Variants in LAMB4 observed in about 807,000 individuals in gnomAD.
LAMB4 encodes laminin subunit beta 4.
LAMB4 carries 196 observed loss-of-function variants against 199.2 expected under a neutral mutation model. The ratio of observed to expected loss-of-function variants is 0.98; its 90% confidence interval spans 0.88 to 1.11. LAMB4 has a LOEUF of 1.11. Among genes scored for constraint, LAMB4 ranks in the 50% least tolerant of loss-of-function variants. The pLI is 0.00. For missense variants in LAMB4, 2,080 were observed against 2,171.2 expected, an observed-to-expected ratio of 0.96 and a Z score of 0.83; for synonymous variants, 744 against 770.6, an observed-to-expected ratio of 0.97 and a Z score of 0.57.
chr7:108,064,864 A>T (rs1238693806), intron 21 of LAMB4, among the ~76,000 whole-genome samples: 1 of 151,122 alleles, frequency 6.6e-6, no homozygotes, highest in Admixed American at 6.6e-5. Context: ...TTCAGTAAAC[A>T]TTCACACTCA....
At chr7:108,093,258 G>A (rs1438539109) in intron 12 of LAMB4, among the ~76,000 whole-genome samples, 2 of 151,984 alleles carry the variant, frequency 1.3e-5, no homozygotes, top group Non-Finnish European at 2.9e-5. Flanking sequence ...GTAGAGACGG[G>A]GTTTTACCGT....
At chr7:108,092,677 G>A (rs757380612) in intron 12 of LAMB4, among the ~76,000 whole-genome samples, 4 of 152,058 alleles carry the variant, frequency 2.6e-5, no homozygotes, top group Admixed American at 2.0e-4. Flanking sequence ...AGGCCGAGAC[G>A]GGTGGATCAC....
intron 17 of LAMB4, among the ~76,000 whole-genome samples, chr7:108,073,573 GT>G (rs1303219648): frequency 1.3e-5 from 2 of 152,092 alleles, no homozygotes; most frequent in Non-Finnish European, 2.9e-5. Flanking sequence ...ATAAACAAAG[GT>G]TTCCTTTGGT....
chr7:108,082,804 T>C (rs1290177074), intron 14 of LAMB4, among the ~76,000 whole-genome samples: 1 of 152,086 alleles, frequency 6.6e-6, no homozygotes, highest in East Asian at 1.9e-4. Flanking sequence ...CAAATCAGGG[T>C]CATCCTCAGA....
At chr7:108,029,494 G>C (rs1255002866) in intron 32 of LAMB4, among the ~76,000 whole-genome samples, 1 of 152,200 alleles carries the variant, frequency 6.6e-6, no homozygotes, top group Non-Finnish European at 1.5e-5. Context: ...CTATGTTAAG[G>C]TAGGATATGG....
At chr7:108,099,914 T>C (rs1312502798) in intron 10 of LAMB4, among the ~76,000 whole-genome samples, 1 of 152,218 alleles carries the variant, frequency 6.6e-6, no homozygotes, top group Admixed American at 6.5e-5. Context: ...TGACTTACTA[T>C]GAAAAAATAG....
chr7:108,122,772 G>A (rs1179968037), intron 2 of LAMB4, among the ~76,000 whole-genome samples: 2 of 152,190 alleles, frequency 1.3e-5, no homozygotes, highest in African/African-American at 4.8e-5. Context: ...AATTTTGCCT[G>A]TAACTTCTTC....
chr7:108,025,433 T>TCTCTTTCTTTC (rs2034806408), intron 33 of LAMB4, among the ~76,000 whole-genome samples: 1 of 108,402 alleles, frequency 9.2e-6, no homozygotes, highest in African/African-American at 8.3e-5. Context: ...TCTTTCTTTC[T>TCTCTTTCTTTC]TTTTTTTTTT....
intron 14 of LAMB4, among the ~76,000 whole-genome samples, chr7:108,088,267 A>T (rs946231968): frequency 6.6e-6 from 1 of 151,810 alleles, no homozygotes; most frequent in Non-Finnish European, 1.5e-5. Context: ...GGTTTAAGTG[A>T]TTCTTGTGTC....
chr7:108,049,658 A>G (rs536639234), intron 26 of LAMB4, 127 bp from the exon 27 acceptor site: 13 of 556,636 alleles, frequency 2.3e-5, no homozygotes, highest in Non-Finnish European at 2.8e-5. Context: ...TAAAATTTCA[A>G]CATCTTCCTT....
chr7:108,082,980 A>G (rs1363908907), intron 14 of LAMB4, among the ~76,000 whole-genome samples: 3 of 152,210 alleles, frequency 2.0e-5, no homozygotes, highest in African/African-American at 7.2e-5. Context: ...GTTGGGTTGG[A>G]TGGAGTGTCT....
chr7:108,058,249 A>T (rs539026648), intron 23 of LAMB4, among the ~76,000 whole-genome samples: 20 of 152,372 alleles, frequency 1.3e-4, no homozygotes, highest in African/African-American at 4.3e-4. Context: ...CTCAACTGTT[A>T]TGGGAGTTCC....
intron 25 of LAMB4, among the ~76,000 whole-genome samples, chr7:108,053,675 C>T (rs2150529565): frequency 6.6e-6 from 1 of 152,314 alleles, no homozygotes; most frequent in Non-Finnish European, 1.5e-5. Flanking sequence ...CACTCCAGAC[C>T]TGGGCTGGGC....
chr7:108,109,240 A>G lies in LAMB4; in HGVS notation c.333T>C (p.Leu111=). The G allele has an allele frequency of 6.2e-7, 1 of 1,611,340 alleles. No homozygotes were observed. The highest frequency in any genetic ancestry group is 8.5e-7 in the Non-Finnish European group (1 of 1,177,934). The stretch of plus-strand genomic sequence containing the variant: ...AGTCCAGTCTGATGCTGACATGATC[A>G]AGACCTAAGGAAGAATCCAGAAAGA... ...EKKWWQSENG[L]DHVSIRLDLE... is the part of the protein sequence containing the mutation. The change falls in exon 5 of 34, where the codon CTT becomes CTC. Residue 111 remains leucine, a synonymous_variant. Transcript: ENST00000388781.
intron 29 of LAMB4, among the ~76,000 whole-genome samples, chr7:108,041,300 G>T (rs532091246): frequency 6.6e-6 from 1 of 152,160 alleles, no homozygotes; most frequent in South Asian, 2.1e-4. Context: ...TGTTGGTGGG[G>T]GTGTAAATTA....
At chr7:108,113,251 T>C (rs1401032495) in intron 3 of LAMB4, among the ~76,000 whole-genome samples, 6 of 152,196 alleles carry the variant, frequency 3.9e-5, no homozygotes, top group Non-Finnish European at 2.9e-5. Context: ...TGTTGGTTTA[T>C]TGTCTGTCTC....
intron 18 of LAMB4, among the ~76,000 whole-genome samples, chr7:108,068,494 A>G (rs1234610324): frequency 6.6e-6 from 1 of 150,776 alleles, no homozygotes; most frequent in Non-Finnish European, 1.5e-5. Context: ...CTGATGTTCT[A>G]CATTGGTGCT....
intron 33 of LAMB4, among the ~76,000 whole-genome samples, chr7:108,026,083 G>T (rs1428548401): frequency 1.3e-5 from 2 of 152,188 alleles, no homozygotes. Flanking sequence ...TAACACTCTG[G>T]TGTTCACAGG....
At chr7:108,058,115 G>T (rs565895008) in intron 23 of LAMB4, among the ~76,000 whole-genome samples, 187 bp from the exon 24 acceptor site, 6 of 152,330 alleles carry the variant, frequency 3.9e-5, no homozygotes, top group Admixed American at 3.9e-4. Flanking sequence ...ATGTGCTTTG[G>T]CCTAAAGCTC....
Sources: allele counts gnomAD v4.1 joint callset (sites outside exome capture counted in the v4.1 genomes callset), GRCh38; gene constraint gnomAD v4.1.1; transcripts MANE v1.5; gene names NCBI Gene and HGNC (gene_info 2026-07-23, HGNC 2026-07-21).